The following ARHGEF12 variants were observed in gnomAD, a reference collection of about 807,000 sequenced individuals.
The protein encoded by ARHGEF12 is KMT2A/ARHGEF12 fusion protein.
A neutral mutation model predicts 211.2 loss-of-function variants in ARHGEF12; 66 were observed. The observed-to-expected ratio is 0.31, with a 90% CI of 0.26 to 0.38. ARHGEF12 has a LOEUF of 0.38. Ranked by LOEUF, ARHGEF12 falls within the 10% of genes least tolerant of loss-of-function variation. ARHGEF12 has a pLI of 1.00. For missense variants in ARHGEF12, 1,429 were observed against 1,869.5 expected (o/e 0.76, Z 4.34); for synonymous variants, 592 against 638.4 (o/e 0.93, Z 1.09).
At position 120,484,518 on chromosome 11, in the gene ARHGEF12, G is replaced by A. The variant is rs778965575; in HGVS notation, c.4624+11G>A. ...CAGACAAGCACTCAGGTATGTAAAAGTTATGAGTTCCAGACTCTAGACTAA... is the reference window on the plus strand; with the variant it reads ...CAGACAAGCACTCAGGTATGTAAAAATTATGAGTTCCAGACTCTAGACTAA... On this transcript the variant is annotated intron_variant, in intron 40 of 40. Coordinates refer to ENST00000397843, the MANE Select transcript of ARHGEF12 (RefSeq NM_015313.3). The A allele has an allele frequency of 1.2e-6, 2 of 1,611,970 alleles. No homozygotes were observed. Among genetic ancestry groups the A allele is most frequent in the Non-Finnish European group, 1.7e-6 (2 of 1,178,294 alleles).
At chr11:120,424,823 G>C (rs1565471024) in intron 7 of ARHGEF12, among the ~76,000 whole-genome samples, 2 of 152,206 alleles carry the variant, frequency 1.3e-5, no homozygotes, top group Admixed American at 1.3e-4. Flanking sequence ...CACCTGAGAG[G>C]AAGGAGGTTG....
At chr11:120,470,477 A>C (rs1026726519) in intron 30 of ARHGEF12, among the ~76,000 whole-genome samples, 1 of 152,194 alleles carries the variant, frequency 6.6e-6, no homozygotes, top group Non-Finnish European at 1.5e-5. Flanking sequence ...GAAGATGATG[A>C]GGTCACTCTG....
At chr11:120,480,548 T>C in intron 38 of ARHGEF12, 118 bp downstream of exon 38, 1 of 961,848 alleles carries the variant, frequency 1.0e-6, no homozygotes. Context: ...TGTTCACACA[T>C]GTGCAATATT....
chr11:120,346,854 C>T (rs970154482), intron 1 of ARHGEF12, among the ~76,000 whole-genome samples: 1 of 152,072 alleles, frequency 6.6e-6, no homozygotes, highest in Non-Finnish European at 1.5e-5. Context: ...TATTTTGAAG[C>T]AGTTTTTGGA....
Position 120,447,591 on chromosome 11 carries a change from G to A in ARHGEF12, c.1590-283G>A, listed in dbSNP as rs552398194. ...CCCAGCACTTTGGGAGGCCGAGCGG[G>A]CGGATTACGTAAGGCCAAGAGTTCG... On this transcript the variant is annotated intron_variant, in intron 18 of 40. Transcript: ENST00000397843. Among the ~76,000 whole-genome samples, 18 of 151,970 alleles carry A rather than the reference G, an allele frequency of 1.2e-4. 1 individual carries two copies. In the South Asian group the frequency reaches 3.1e-3, roughly 26 times the overall value.
At chr11:120,434,783 C>T (rs1945646027) in intron 11 of ARHGEF12, among the ~76,000 whole-genome samples, 1 of 152,104 alleles carries the variant, frequency 6.6e-6, no homozygotes, top group African/African-American at 2.4e-5. Context: ...TTTTGATTTT[C>T]AGTTTGTGAG....
intron 7 of ARHGEF12, among the ~76,000 whole-genome samples, chr11:120,426,148 C>G (rs761904442): frequency 6.6e-6 from 1 of 152,114 alleles, no homozygotes; most frequent in Non-Finnish European, 1.5e-5. Flanking sequence ...TAAACTTGAC[C>G]ACTTATTTAA....
At chr11:120,437,431 TA>T (rs754457712) in intron 12 of ARHGEF12, 49 bp downstream of exon 12, 1 of 1,453,136 alleles carries the variant, frequency 6.9e-7, no homozygotes, top group Admixed American at 1.8e-5. Flanking sequence ...GCTTTCCTTA[TA>T]CTTAAAGTAT....
chr11:120,478,305 G>A lies in ARHGEF12; in HGVS notation c.3682G>A (p.Val1228Ile), dbSNP rs781779257. 6.2e-7 allele frequency: 1 copy of A among 1,614,198 alleles called. No homozygotes were observed. The highest frequency in any genetic ancestry group is 1.7e-5 in the Admixed American group (1 of 60,014). ...EQHTDGTLKE[V>I]GEDYQIAIPD... ...ACATACAGATGGGACACTAAAGGAA[G>A]TTGGAGAAGATTATCAAATCGCAAT... Residue 1228 changes from valine to isoleucine, a missense_variant, in exon 37 of 41, where the codon GTT becomes ATT. This residue lies in a region of ARHGEF12 where 467 missense variants were observed against 468.4 expected (regional missense o/e 1.00). Coordinates refer to ENST00000397843, the MANE Select transcript of ARHGEF12 (RefSeq NM_015313.3).
intron 6 of ARHGEF12, among the ~76,000 whole-genome samples, chr11:120,423,550 G>A (rs147365159): frequency 4.6e-5 from 7 of 152,188 alleles, no homozygotes; most frequent in African/African-American, 9.6e-5. Flanking sequence ...GATTAGGTCA[G>A]TGTGTATCTT....
rs150042943 is a variant in ARHGEF12, at chr11:120,483,452, C to G, written c.4555-986C>G. Among the ~76,000 whole-genome samples, 310 of 147,330 alleles carry G rather than the reference C, an allele frequency of 2.1e-3. 6 individuals are homozygous for G. The Middle Eastern group carries it at 0.025, about 12-fold the overall frequency. On this transcript the variant is annotated intron_variant, in intron 39 of 40. Transcript: ENST00000397843. The stretch of plus-strand genomic sequence containing the variant: ...ATTTTTTTTTTTTTTTAAATGGAGT[C>G]TCGGTCTGTCACCCAGGCTGGAGTG...
Position 120,475,323 on chromosome 11 carries a change from TGCAC to T in ARHGEF12, c.3110-16_3110-13del, listed in dbSNP as rs1183651134. 1 of 1,610,770 alleles carries T rather than the reference TGCAC, an allele frequency of 6.2e-7. No individual in the cohort carries two copies. Among genetic ancestry groups the T allele is most frequent in the South Asian group, 1.1e-5 (1 of 90,788 alleles). On this transcript the variant is annotated splice_polypyrimidine_tract_variant and intron_variant, in intron 32 of 40. Coordinates refer to ENST00000397843, the MANE Select transcript of ARHGEF12 (RefSeq NM_015313.3). ...CATTTCTGTACTTACCATTTTTTTC[TGCAC>T]TTTTATTTCTAGATTTATACACGTT...
chr11:120,388,812 G>C (rs1465794358), intron 1 of ARHGEF12, among the ~76,000 whole-genome samples: 1 of 151,864 alleles, frequency 6.6e-6, no homozygotes, highest in Non-Finnish European at 1.5e-5. Context: ...TTAATTATTG[G>C]GTTGTAAGAG....
At chr11:120,468,664 T>G (rs1946779707) in intron 29 of ARHGEF12, among the ~76,000 whole-genome samples, 1 of 152,212 alleles carries the variant, frequency 6.6e-6, no homozygotes, top group African/African-American at 2.4e-5. Flanking sequence ...TTGGCCAGAC[T>G]GGTCTTGAAC....
chr11:120,477,878 A>T (rs888822428), intron 36 of ARHGEF12, among the ~76,000 whole-genome samples: 1 of 148,934 alleles, frequency 6.7e-6, no homozygotes, highest in African/African-American at 2.6e-5. Flanking sequence ...AAAAAAAGAA[A>T]AAAAGAAAAA....
At chr11:120,458,284 A>C (rs769436977) in intron 25 of ARHGEF12, 50 bp downstream of exon 25, 1 of 1,603,776 alleles carries the variant, frequency 6.2e-7, no homozygotes. Context: ...GAGTTTTGTC[A>C]GAGTGAATTA....
intron 24 of ARHGEF12, 105 bp from the exon 25 acceptor site, chr11:120,457,975 C>A: frequency 7.3e-7 from 1 of 1,366,338 alleles, no homozygotes; most frequent in South Asian, 1.3e-5. Flanking sequence ...AGTGCTAAGT[C>A]AGATTCAGGA....
At chr11:120,453,447 T>C (rs1946270435) in intron 22 of ARHGEF12, among the ~76,000 whole-genome samples, 1 of 152,096 alleles carries the variant, frequency 6.6e-6, no homozygotes, top group South Asian at 2.1e-4. Context: ...AAGCCAGGCA[T>C]GGTGGCTTAC....
intron 5 of ARHGEF12, among the ~76,000 whole-genome samples, chr11:120,421,434 T>G (rs1282566858): frequency 9.9e-6 from 1 of 100,940 alleles, no homozygotes; most frequent in Admixed American, 9.4e-5. Flanking sequence ...GCCTTGTTTT[T>G]TTTTTTTGTT....
Sources: gnomAD v4.1 joint callset for allele counts (sites outside exome capture counted in the v4.1 genomes callset) on GRCh38, gnomAD v4.1.1 for gene constraint, gnomAD v4.1.1 regional missense constraint, MANE v1.5 for transcripts, NCBI Gene and HGNC (gene_info 2026-07-23, HGNC 2026-07-21) for gene names.